The following PCDHGA11 variants were observed in gnomAD, a reference collection of about 807,000 sequenced individuals.
PCDHGA11 encodes protocadherin gamma subfamily A, 11, also known as protocadherin gamma-A11.
A neutral mutation model predicts 60.4 loss-of-function variants in PCDHGA11; 39 were observed. The ratio of observed to expected loss-of-function variants is 0.65; its 90% confidence interval spans 0.50 to 0.84. The LOEUF is 0.84. PCDHGA11 is among the 40% of genes least tolerant of loss of function. The pLI, the probability that PCDHGA11 is intolerant of heterozygous loss-of-function variation, is 0.00. For missense variants in PCDHGA11, 1,165 were observed against 1,197.7 expected (o/e 0.97, Z 0.40); for synonymous variants, 533 against 510.3 (o/e 1.04, Z -0.60).
intron 1 of PCDHGA11, 140 bp downstream of exon 1, chr5:141,423,800 T>C: frequency 1.6e-5 from 14 of 895,104 alleles, no homozygotes; most frequent in East Asian, 1.3e-4. Context: ...TTTAGAGCAA[T>C]ACATGTGAGT....
chr5:141,432,503 G>T lies in PCDHGA11; in HGVS notation c.2433+8843G>T, dbSNP rs939325676. 8.7e-6 allele frequency: 14 copies of T among 1,613,988 alleles called. No homozygotes were observed. The highest frequency in any genetic ancestry group is 1.3e-5 in the African/African-American group (1 of 74,930). ...TGGCGTGGAGCTGGCTCCCCGCTCC[G>T]CAGAGCCCGGCTACCTGGTGACCAA... On this transcript the variant is annotated intron_variant, in intron 1 of 3. Transcript: ENST00000398587. The surrounding 1 kb of genome is among the most constrained non-coding windows in gnomAD (Gnocchi z 6.0).
intron 1 of PCDHGA11, among the ~76,000 whole-genome samples, chr5:141,464,885 G>T (rs1592925315): frequency 6.6e-6 from 1 of 152,020 alleles, no homozygotes; most frequent in East Asian, 1.9e-4. Flanking sequence ...ACTACAGATG[G>T]ATGCCACCAT....
rs143767010 is a variant in PCDHGA11 at position 141,460,190 on chromosome 5, A to G, written c.2434-34617A>G. 3.2e-3 allele frequency among the ~76,000 whole-genome samples: 486 copies of G among 152,218 alleles called. 1 individual carries two copies. Among genetic ancestry groups the G allele is most frequent in the Non-Finnish European group, 4.9e-3 (336 of 68,006 alleles). ...TTTTGTGGATATTTTATCCCAGACTATGACTTGTCTTTTCATTTTCTTAGT... is the reference window on the plus strand; with the variant it reads ...TTTTGTGGATATTTTATCCCAGACTGTGACTTGTCTTTTCATTTTCTTAGT... On this transcript the variant is annotated intron_variant, in intron 1 of 3. Coordinates refer to ENST00000398587, the MANE Select transcript of PCDHGA11 (RefSeq NM_018914.3).
At chr5:141,434,533 C>T (rs6862159) in intron 1 of PCDHGA11, among the ~76,000 whole-genome samples, 18,539 of 152,264 alleles carry the variant, frequency 0.12, 1,259 homozygotes, top group Non-Finnish European at 0.16. Flanking sequence ...AAACCACAAA[C>T]AATAGCATGA....
At chr5:141,441,859 G>T in intron 1 of PCDHGA11, 1 of 348,078 alleles carries the variant, frequency 2.9e-6, no homozygotes. Context: ...GGTGCTGCAC[G>T]CCGCGGAGCC....
At chr5:141,434,117 G>T (rs2097672674) in intron 1 of PCDHGA11, among the ~76,000 whole-genome samples, 1 of 152,126 alleles carries the variant, frequency 6.6e-6, no homozygotes, top group African/African-American at 2.4e-5. Context: ...TGGCCTTTGG[G>T]ACTCCCTTTA....
At chr5:141,482,999 T>G (rs1031397558) in intron 1 of PCDHGA11, among the ~76,000 whole-genome samples, 3 of 151,950 alleles carry the variant, frequency 2.0e-5, no homozygotes, top group Non-Finnish European at 2.9e-5. Flanking sequence ...GCAGGAGAAT[T>G]GCTTGAACCC....
In PCDHGA11 at chr5:141,476,331, C is replaced by T; in HGVS notation, c.2434-18476C>T. On this transcript the variant is annotated intron_variant, in intron 1 of 3. Transcript: ENST00000398587. This position sits in a 1 kb window ranked among gnomAD's most constrained non-coding sequence, Gnocchi z 7.6. Reference sequence around the variant, plus strand: ...CGCAGGTTCCGGGTGGTGTCTGGAGCTAGCCGAAGATTCTTTGAGGTGAAC... The same window carrying T: ...CGCAGGTTCCGGGTGGTGTCTGGAGTTAGCCGAAGATTCTTTGAGGTGAAC... 1.2e-6 allele frequency: 2 copies of T among 1,614,156 alleles called. No individual in the cohort carries two copies. Among genetic ancestry groups the T allele is most frequent in the Non-Finnish European group, 1.7e-6 (2 of 1,180,042 alleles).
chr5:141,455,162 T>G (rs1002208156), intron 1 of PCDHGA11, among the ~76,000 whole-genome samples: 5 of 150,972 alleles, frequency 3.3e-5, no homozygotes, highest in African/African-American at 7.3e-5. Context: ...GTTTGTTGGT[T>G]TTTTTTTTAG....
At chr5:141,492,384 C>T (rs1001189412) in intron 1 of PCDHGA11, among the ~76,000 whole-genome samples, 1 of 152,230 alleles carries the variant, frequency 6.6e-6, no homozygotes, top group African/African-American at 2.4e-5. Context: ...AGGCCTGTTC[C>T]GGTCCACTCG....
At position 141,485,632 on chromosome 5, in the gene PCDHGA11, G is replaced by C; in HGVS notation, c.2434-9175G>C. 6.2e-7 allele frequency: 1 copy of C among 1,611,766 alleles called. No individual in the cohort carries two copies. The highest frequency in any genetic ancestry group is 8.5e-7 in the Non-Finnish European group (1 of 1,178,342). ...CAGCTCCTCCAGGACAGCGTTTCCC[G>C]TTGGAAAAGGCTCAGGATGCAGATG... is the stretch of plus-strand genomic sequence containing the variant. On this transcript the variant is annotated intron_variant, in intron 1 of 3. Coordinates refer to ENST00000398587, the MANE Select transcript of PCDHGA11 (RefSeq NM_018914.3). This position sits in a 1 kb window ranked among gnomAD's most constrained non-coding sequence, Gnocchi z 5.7.
chr5:141,497,396 C>T (rs2099776233), intron 2 of PCDHGA11, among the ~76,000 whole-genome samples: 1 of 152,116 alleles, frequency 6.6e-6, no homozygotes, highest in Middle Eastern at 3.2e-3. Flanking sequence ...CTTACCCCTG[C>T]CTCAACTCCC....
chr5:141,433,408 A>ATCTATCTATCT (rs1413347413), intron 1 of PCDHGA11, among the ~76,000 whole-genome samples: 6 of 127,280 alleles, frequency 4.7e-5, no homozygotes, highest in African/African-American at 1.8e-4. Context: ...TCTATCTATT[A>ATCTATCTATCT]CTTTCTTGTA....
At position 141,486,881 on chromosome 5, in the gene PCDHGA11, G is replaced by T. The variant is rs114512641; in HGVS notation, c.2434-7926G>T. The T allele has an allele frequency of 1.3e-5, 21 of 1,614,090 alleles. No homozygotes were observed. The East Asian group carries it at 4.7e-4, about 36-fold the overall frequency. ...TGCTCCAGCTGTGCTCCGTCCTCGG[G>T]CCCGGCCTGGTTCCTTATGTCCCCA... is the stretch of plus-strand genomic sequence containing the variant. On this transcript the variant is annotated intron_variant, in intron 1 of 3. Coordinates refer to ENST00000398587, the MANE Select transcript of PCDHGA11 (RefSeq NM_018914.3). This position sits in a 1 kb window ranked among gnomAD's most constrained non-coding sequence, Gnocchi z 5.0.
Position 141,490,491 on chromosome 5 carries a change from A to T in PCDHGA11, c.2434-4316A>T. 1 of 1,614,098 alleles carries T rather than the reference A, an allele frequency of 6.2e-7. No individual in the cohort carries two copies. Among genetic ancestry groups the T allele is most frequent in the Non-Finnish European group, 8.5e-7 (1 of 1,180,022 alleles). ...GCCAGCCTTTGGACCGGGAGGCCAC[A>T]TCCCACTATATCATCGAGCTGCTGG... On this transcript the variant is annotated intron_variant, in intron 1 of 3. Coordinates refer to ENST00000398587, the MANE Select transcript of PCDHGA11 (RefSeq NM_018914.3). This position sits in a 1 kb window ranked among gnomAD's most constrained non-coding sequence, Gnocchi z 5.4.
At chr5:141,456,099 G>A (rs1428094221) in intron 1 of PCDHGA11, among the ~76,000 whole-genome samples, 5 of 151,980 alleles carry the variant, frequency 3.3e-5, no homozygotes, top group East Asian at 1.9e-4. Flanking sequence ...GGATTTCACC[G>A]TGTTAGCCAG....
intron 1 of PCDHGA11, chr5:141,433,186 G>A (rs753657435): frequency 1.4e-5 from 23 of 1,601,378 alleles, no homozygotes; most frequent in Non-Finnish European, 1.9e-5. Context: ...TAATTGAGGT[G>A]AGTTTATATC....
At chr5:141,501,871 C>T (rs562714939) in intron 2 of PCDHGA11, among the ~76,000 whole-genome samples, 3 of 152,244 alleles carry the variant, frequency 2.0e-5, no homozygotes, top group African/African-American at 7.2e-5. Context: ...CAGGACGCCT[C>T]CTTACACTCC....
intron 1 of PCDHGA11, among the ~76,000 whole-genome samples, chr5:141,449,909 A>G (rs2098658849): frequency 6.6e-6 from 1 of 151,828 alleles, no homozygotes; most frequent in Non-Finnish European, 1.5e-5. Context: ...TATAGTCCAT[A>G]TTTAAATTCT....
Sources: allele counts gnomAD v4.1 joint callset (sites outside exome capture counted in the v4.1 genomes callset), GRCh38; gene constraint gnomAD v4.1.1; non-coding constraint Gnocchi (gnomAD v3.1); transcripts MANE v1.5; gene names NCBI Gene and HGNC (gene_info 2026-07-23, HGNC 2026-07-21).